FOXN3: variants seen among roughly 807,000 people sequenced by gnomAD.
FOXN3 encodes forkhead box protein N3.
Under a neutral mutation model 38.4 loss-of-function variants are expected in FOXN3, and 7 were observed. The ratio of observed to expected loss-of-function variants is 0.18; its 90% confidence interval spans 0.10 to 0.34. The LOEUF (loss-of-function observed/expected upper bound fraction) is 0.34, where lower values mean the gene tolerates loss of function less well. FOXN3 is among the 10% of genes least tolerant of loss of function. FOXN3 has a pLI of 1.00. For missense variants in FOXN3, 456 were observed against 613.4 expected, an observed-to-expected ratio of 0.74 and a Z score of 2.71; for synonymous variants, 230 against 242.2, an observed-to-expected ratio of 0.95 and a Z score of 0.47.
intron 1 of FOXN3, among the ~76,000 whole-genome samples, chr14:89,600,958 T>C (rs1340453122): frequency 6.6e-6 from 1 of 152,260 alleles, no homozygotes; most frequent in Non-Finnish European, 1.5e-5. Context: ...ATTCTATGCC[T>C]TATTCCATGA....
upstream of FOXN3, among the ~76,000 whole-genome samples, chr14:89,422,175 T>TA (rs997216397): frequency 3.9e-5 from 6 of 152,224 alleles, no homozygotes; most frequent in Admixed American, 2.0e-4. Flanking sequence ...CCTGGCCCAT[T>TA]ACATTTATAA....
intron 4 of FOXN3, among the ~76,000 whole-genome samples, chr14:89,276,314 T>C (rs1436880338): frequency 6.6e-6 from 1 of 152,112 alleles, no homozygotes; most frequent in African/African-American, 2.4e-5. Flanking sequence ...CCAACAGAAG[T>C]GAATGGAAAT....
At chr14:89,311,540 C>T (rs530685379) in intron 3 of FOXN3, among the ~76,000 whole-genome samples, 1 of 145,658 alleles carries the variant, frequency 6.9e-6, no homozygotes, top group Non-Finnish European at 1.5e-5. Flanking sequence ...AAACTAGATA[C>T]CTGTGGCCGG....
chr14:89,468,299 CA>C (rs1044089299), intron 1 of FOXN3, among the ~76,000 whole-genome samples: 76 of 152,130 alleles, frequency 5.0e-4, no homozygotes, highest in African/African-American at 1.8e-3. Context: ...ACTGAAAATA[CA>C]AAAATTAGCC....
intron 2 of FOXN3, among the ~76,000 whole-genome samples, chr14:89,360,774 T>TCCA (rs1299216998): frequency 1.2e-4 from 4 of 34,598 alleles, no homozygotes; most frequent in South Asian, 2.7e-3. Flanking sequence ...CACTACCACC[T>TCCA]CCACCACCAC....
intron 4 of FOXN3, among the ~76,000 whole-genome samples, chr14:89,189,438 C>T (rs1381756997): frequency 2.0e-5 from 3 of 152,144 alleles, no homozygotes; most frequent in East Asian, 1.9e-4. Context: ...GTTGTAGTGG[C>T]GTCTGCTGCT....
At chr14:89,174,008 T>C (rs1887456856) in intron 5 of FOXN3, among the ~76,000 whole-genome samples, 1 of 151,690 alleles carries the variant, frequency 6.6e-6, no homozygotes, top group African/African-American at 2.4e-5. Flanking sequence ...AATAAATAAA[T>C]AAAAATAAAA....
At chr14:89,373,539 A>G (rs758088050) in intron 2 of FOXN3, among the ~76,000 whole-genome samples, 52 of 152,314 alleles carry the variant, frequency 3.4e-4, no homozygotes, top group Admixed American at 2.0e-3. Context: ...TAGCTTTCCC[A>G]TACAGCACAA....
chr14:89,474,519 T>A (rs1183203077), intron 1 of FOXN3, among the ~76,000 whole-genome samples: 1 of 152,232 alleles, frequency 6.6e-6, no homozygotes, highest in Non-Finnish European at 1.5e-5. Context: ...CATGCTCTTT[T>A]ATGGAGTAAT....
intron 1 of FOXN3, among the ~76,000 whole-genome samples, chr14:89,580,494 CCTTTAAGGGG>C (rs922014720): frequency 1.3e-5 from 2 of 152,134 alleles, no homozygotes; most frequent in African/African-American, 4.8e-5. Flanking sequence ...TTCTCAAAAC[CCTTTAAGGGG>C]ATACAGTCTC....
rs181057038 is a variant in FOXN3 at position 89,355,457 on chromosome 14, G to A, written c.544-4649C>T. The stretch of plus-strand genomic sequence containing the variant: ...TCGCCATATTGGCCAGGCTGGTCTC[G>A]AACTCCTGACCTCAGGTGATCCGTC... On this transcript the variant is annotated intron_variant, in intron 2 of 5. Transcript: ENST00000557258. Among the ~76,000 whole-genome samples the A allele has an allele frequency of 2.1e-3, 313 of 151,876 alleles. 3 individuals carry two copies. The highest frequency in any genetic ancestry group is 7.4e-3 in the African/African-American group (305 of 41,426).
At chr14:89,514,382 T>C (rs1370890988) in intron 1 of FOXN3, among the ~76,000 whole-genome samples, 1 of 152,216 alleles carries the variant, frequency 6.6e-6, no homozygotes, top group African/African-American at 2.4e-5. Context: ...GGCAAACCGA[T>C]GGCCATCCAC....
chr14:89,558,369 C>G (rs886751269), intron 1 of FOXN3, among the ~76,000 whole-genome samples: 3 of 152,106 alleles, frequency 2.0e-5, no homozygotes, highest in African/African-American at 7.2e-5. Context: ...TGCAATGGTG[C>G]AGACATCGAA....
intron 3 of FOXN3, among the ~76,000 whole-genome samples, chr14:89,337,366 A>G (rs1255902383): frequency 6.6e-6 from 1 of 152,166 alleles, no homozygotes; most frequent in African/African-American, 2.4e-5. Flanking sequence ...GAAAAAAACT[A>G]ATGAGTGACT....
intron 3 of FOXN3, among the ~76,000 whole-genome samples, chr14:89,331,214 TC>T (rs1231593441): frequency 1.3e-5 from 2 of 152,116 alleles, no homozygotes; most frequent in African/African-American, 4.8e-5. Context: ...ATTCCCACCT[TC>T]CCCCAGGCCC....
chr14:89,413,615 A>C (rs991042676), intron 1 of FOXN3, among the ~76,000 whole-genome samples: 5 of 145,884 alleles, frequency 3.4e-5, no homozygotes, highest in African/African-American at 1.0e-4. Context: ...CCTGAGCAAC[A>C]GAGTGAGATG....
intron 2 of FOXN3, among the ~76,000 whole-genome samples, chr14:89,381,145 C>CA (rs71130067): frequency 0.41 from 25,869 of 63,504 alleles, 6,410 homozygotes; most frequent in Non-Finnish European, 0.52. Flanking sequence ...CCCTCCGTCT[C>CA]AAAAAAAAAA....
chr14:89,235,787 A>G (rs1338906664), intron 4 of FOXN3, among the ~76,000 whole-genome samples: 2 of 143,140 alleles, frequency 1.4e-5, no homozygotes, highest in African/African-American at 3.0e-5. Flanking sequence ...GGATGGGGCC[A>G]CAAGTCGAGG....
chr14:89,191,439 A>G (rs1170627243), intron 4 of FOXN3, among the ~76,000 whole-genome samples: 1 of 152,202 alleles, frequency 6.6e-6, no homozygotes, highest in Non-Finnish European at 1.5e-5. Context: ...TGAAGTCGAC[A>G]TCAAAATGCC....
Sources: gnomAD v4.1 joint callset for allele counts (sites outside exome capture counted in the v4.1 genomes callset) on GRCh38, gnomAD v4.1.1 for gene constraint, MANE v1.5 for transcripts, NCBI Gene and HGNC (gene_info 2026-07-23, HGNC 2026-07-21) for gene names.